Variants in WIPF2 observed in about 807,000 individuals in gnomAD.
WIPF2 encodes the protein WAS/WASL-interacting protein family member 2.
In WIPF2, 23 loss-of-function variants were observed where a neutral mutation model predicts 38.8. That is an observed-to-expected ratio of 0.59 (90% CI 0.43 to 0.84). The LOEUF (loss-of-function observed/expected upper bound fraction) is 0.84. Among genes scored for constraint, WIPF2 ranks in the 40% least tolerant of loss-of-function variants. WIPF2 has a pLI of 0.00. For synonymous variants in WIPF2, 210 were observed against 223.2 expected (o/e 0.94, Z 0.53); for missense variants, 574 against 580.5 (o/e 0.99, Z 0.11).
At chr17:40,270,553 G>A (rs906915196) in intron 5 of WIPF2, among the ~76,000 whole-genome samples, 2 of 151,998 alleles carry the variant, frequency 1.3e-5, no homozygotes, top group African/African-American at 4.8e-5. Flanking sequence ...AGCTGGTGTC[G>A]GTGTCCTTGT....
intron 1 of WIPF2, among the ~76,000 whole-genome samples, chr17:40,240,429 C>G (rs1450608974): frequency 2.0e-5 from 3 of 152,058 alleles, no homozygotes; most frequent in Admixed American, 2.0e-4. Flanking sequence ...CCCGAGGTAC[C>G]AGGTGCCTCT....
intron 3 of WIPF2, among the ~76,000 whole-genome samples, chr17:40,261,243 A>G (rs1398589079): frequency 2.0e-5 from 3 of 151,732 alleles, no homozygotes; most frequent in East Asian, 1.9e-4. Context: ...TTAGCCTTCT[A>G]TCTGTCATCT....
intron 1 of WIPF2, among the ~76,000 whole-genome samples, chr17:40,251,961 A>G (rs958951680): frequency 2.6e-5 from 4 of 152,070 alleles, no homozygotes; most frequent in African/African-American, 9.7e-5. Flanking sequence ...AACTTTTTTT[A>G]TGTACTTAAT....
At chr17:40,268,751 T>A (rs1567723753) in intron 5 of WIPF2, among the ~76,000 whole-genome samples, 1 of 152,044 alleles carries the variant, frequency 6.6e-6, no homozygotes, top group East Asian at 1.9e-4. Context: ...TTCTTAAGAG[T>A]GATAAACCAG....
intron 6 of WIPF2, among the ~76,000 whole-genome samples, chr17:40,276,698 A>C (rs1280690214): frequency 1.3e-5 from 2 of 151,962 alleles, no homozygotes; most frequent in Non-Finnish European, 2.9e-5. Flanking sequence ...AGATTGCCTG[A>C]GCACAGGAGT....
chr17:40,254,593 T>A (rs2145358365), intron 1 of WIPF2, among the ~76,000 whole-genome samples: 1 of 152,290 alleles, frequency 6.6e-6, no homozygotes, highest in South Asian at 2.1e-4. Context: ...ATATAGTTTT[T>A]GAGTTTTAAG....
At chr17:40,241,838 A>G (rs1053964047) in intron 1 of WIPF2, among the ~76,000 whole-genome samples, 2 of 152,282 alleles carry the variant, frequency 1.3e-5, no homozygotes, top group African/African-American at 2.4e-5. Context: ...AGAAAAGAAA[A>G]AGGGTTGTAT....
At chr17:40,248,608 C>CTT (rs1162705120) in intron 1 of WIPF2, among the ~76,000 whole-genome samples, 1 of 152,182 alleles carries the variant, frequency 6.6e-6, no homozygotes, top group Non-Finnish European at 1.5e-5. Flanking sequence ...GCCTGACTCT[C>CTT]TTTCTACCAA....
At chr17:40,255,472 T>C (rs981012687) in intron 1 of WIPF2, among the ~76,000 whole-genome samples, 2 of 146,610 alleles carry the variant, frequency 1.4e-5, no homozygotes, top group African/African-American at 2.5e-5. Flanking sequence ...ATTACAGGCA[T>C]GTGCCACCAT....
chr17:40,262,302 C>T (rs980493374), intron 3 of WIPF2, among the ~76,000 whole-genome samples: 2 of 151,982 alleles, frequency 1.3e-5, no homozygotes, highest in Admixed American at 6.6e-5. Flanking sequence ...AGGCTGCTCT[C>T]GAACTCCTGA....
At chr17:40,233,940 G>A (rs1222010392) in intron 1 of WIPF2, among the ~76,000 whole-genome samples, 1 of 152,180 alleles carries the variant, frequency 6.6e-6, no homozygotes, top group Non-Finnish European at 1.5e-5. Context: ...GTGCATGCCT[G>A]TAATCTCAGC....
chr17:40,274,304 ATCT>A (rs1008217503), intron 6 of WIPF2, among the ~76,000 whole-genome samples: 1 of 152,186 alleles, frequency 6.6e-6, no homozygotes, highest in African/African-American at 2.4e-5. Flanking sequence ...GAGACTCTGT[ATCT>A]TCTTTAGGAT....
chr17:40,261,309 T>C (rs1392061505), intron 3 of WIPF2, among the ~76,000 whole-genome samples: 3 of 151,826 alleles, frequency 2.0e-5, no homozygotes, highest in Non-Finnish European at 4.4e-5. Flanking sequence ...TTTTTTTTTT[T>C]AAAGACTGAG....
At chr17:40,232,522 C>T (rs374854469) in intron 1 of WIPF2, among the ~76,000 whole-genome samples, 37 of 151,498 alleles carry the variant, frequency 2.4e-4, no homozygotes, top group African/African-American at 8.7e-4. Flanking sequence ...ATGCTTTTGC[C>T]ATGTTTCCCA....
chr17:40,277,934 C>T (rs546375509), intron 7 of WIPF2, among the ~76,000 whole-genome samples: 1 of 152,120 alleles, frequency 6.6e-6, no homozygotes, highest in South Asian at 2.1e-4. Flanking sequence ...CCTGGTTGGC[C>T]AGGCTGGTCT....
intron 1 of WIPF2, among the ~76,000 whole-genome samples, chr17:40,221,254 G>A (rs1428834138): frequency 1.3e-5 from 2 of 152,078 alleles, no homozygotes; most frequent in Non-Finnish European, 2.9e-5. Context: ...AGAACCACAG[G>A]GAATAAGGAC....
intron 1 of WIPF2, among the ~76,000 whole-genome samples, chr17:40,252,472 T>G (rs770701554): frequency 9.9e-5 from 15 of 152,142 alleles, no homozygotes; most frequent in Non-Finnish European, 1.8e-4. Context: ...GAGACCAGCC[T>G]GGCTAACTTG....
chr17:40,259,252 C>T (rs1411214354), intron 2 of WIPF2, among the ~76,000 whole-genome samples: 1 of 151,024 alleles, frequency 6.6e-6, no homozygotes, highest in Non-Finnish European at 1.5e-5. Context: ...GCAGATGCAG[C>T]TGGAGATGTA....
chr17:40,246,620 C>G (rs1011624736), intron 1 of WIPF2, among the ~76,000 whole-genome samples: 3 of 151,704 alleles, frequency 2.0e-5, no homozygotes, highest in Non-Finnish European at 4.4e-5. Flanking sequence ...TGGTCTTGAA[C>G]TCCTGACCTC....
Sources: allele counts gnomAD v4.1 joint callset (sites outside exome capture counted in the v4.1 genomes callset), GRCh38; gene constraint gnomAD v4.1.1; transcripts MANE v1.5; gene names NCBI Gene and HGNC (gene_info 2026-07-23, HGNC 2026-07-21).